The following FSD1L variants were observed in gnomAD, a reference collection of about 807,000 sequenced individuals.
FSD1L encodes fibronectin type III and SPRY domain containing 1 like.
FSD1L carries 45 observed loss-of-function variants against 71.6 expected under a neutral mutation model. The ratio of observed to expected loss-of-function variants is 0.63; its 90% CI spans 0.49 to 0.81. The LOEUF is 0.81. FSD1L is among the 30% of genes least tolerant of loss of function. The pLI is 0.00. For synonymous variants in FSD1L, 197 were observed against 207.2 expected, an observed-to-expected ratio of 0.95 and a Z score of 0.42; for missense variants, 561 against 618.1, an observed-to-expected ratio of 0.91 and a Z score of 0.98.
At chr9:105,491,981 C>G (rs1452279228) in intron 7 of FSD1L, among the ~76,000 whole-genome samples, 4 of 151,886 alleles carry the variant, frequency 2.6e-5, no homozygotes, top group African/African-American at 4.8e-5. Flanking sequence ...GTGTCTCTGC[C>G]CGGCTTTGGT....
chr9:105,530,687 C>G lies in FSD1L; in HGVS notation c.1026-3806C>G, dbSNP rs371275183. 1.9e-5 allele frequency: 11 copies of G among 565,656 alleles called. 1 individual carries two copies. Among genetic ancestry groups the G allele is most frequent in the African/African-American group, 1.7e-4 (9 of 51,916 alleles). 35.0% of individuals were successfully genotyped at this position (565,656 alleles called of 1,614,324 possible). ...TCCTCTCAGCAGACACTCTGACCAC[C>G]AGTTGGGGAGGCAAACTATCAGTGT... On this transcript the variant is annotated intron_variant, in intron 10 of 13. Transcript: ENST00000481272.
At chr9:105,457,401 A>G (rs1193053927) in intron 1 of FSD1L, among the ~76,000 whole-genome samples, 1 of 152,206 alleles carries the variant, frequency 6.6e-6, no homozygotes, top group African/African-American at 2.4e-5. Context: ...CTATTGAAGA[A>G]TACTGATCAG....
At chr9:105,531,084 TAGA>T (rs1835866692) in intron 10 of FSD1L, 1 of 152,310 alleles carries the variant, frequency 6.6e-6, no homozygotes, top group Admixed American at 6.5e-5. Context: ...TACTCCTTGA[TAGA>T]GGAGTTTTGC....
At chr9:105,481,176 T>TGTGTGGGTGG (rs1454412244) in intron 6 of FSD1L, among the ~76,000 whole-genome samples, 9 of 123,108 alleles carry the variant, frequency 7.3e-5, no homozygotes, top group Non-Finnish European at 1.1e-4. Flanking sequence ...TGTGTGTGTG[T>TGTGTGGGTGG]GTGGTTCTTT....
At position 105,505,256 on chromosome 9, in the gene FSD1L, G is replaced by T. The variant is rs368256359; in HGVS notation, c.587-1143G>T. Among the ~76,000 whole-genome samples, 666 of 152,086 alleles carry T rather than the reference G, an allele frequency of 4.4e-3. 7 individuals are homozygous for T. The highest frequency in any genetic ancestry group is 0.014 in the African/African-American group (562 of 41,524). ...GAATTTTATTCTTTGTTGTTTTTTT[G>T]TTGTTGTTGTTTTGTTCTTTTTGAG... On this transcript the variant is annotated intron_variant, in intron 7 of 13. Coordinates refer to ENST00000481272, the MANE Select transcript of FSD1L (RefSeq NM_001145313.3).
chr9:105,548,263 ATAGAGGGCC>A lies in FSD1L; in HGVS notation c.*1783_*1791del, dbSNP rs1837119623. The A allele has an allele frequency of 1.3e-5, 2 of 152,142 alleles. No individual in the cohort carries two copies. The highest frequency in any genetic ancestry group is 1.3e-4 in the Admixed American group (2 of 15,244). 9.4% of individuals were successfully genotyped at this position (152,142 alleles called of 1,614,324 possible). A position where few individuals can be genotyped will look rare whatever the true frequency, so the allele number is the denominator to read the frequency against. On this transcript the variant is annotated 3_prime_UTR_variant, in exon 14 of 14. Transcript: ENST00000481272. The stretch of plus-strand genomic sequence containing the variant: ...GAAATTTTCAGATGTTCTGTTCCCT[ATAGAGGGCC>A]TATTCCAGGATCTAAATGAATGGGA...
intron 1 of FSD1L, among the ~76,000 whole-genome samples, chr9:105,453,943 T>C (rs1435497318): frequency 6.6e-6 from 1 of 152,240 alleles, no homozygotes; most frequent in Admixed American, 6.5e-5. Flanking sequence ...AAGGTTCTGA[T>C]AGAATCTGGT....
chr9:105,466,243 A>G (rs74944717), intron 3 of FSD1L, among the ~76,000 whole-genome samples: 3,089 of 152,316 alleles, frequency 0.02, 103 homozygotes, highest in African/African-American at 0.071. Context: ...TTAAGAAGAC[A>G]AATGAATGGA....
intron 1 of FSD1L, among the ~76,000 whole-genome samples, chr9:105,452,829 T>A (rs1830122780): frequency 6.6e-6 from 1 of 151,940 alleles, no homozygotes; most frequent in East Asian, 1.9e-4. Flanking sequence ...CTGCTTTCTG[T>A]GCTCAAGCTA....
At chr9:105,482,150 A>C (rs1014619835) in intron 6 of FSD1L, among the ~76,000 whole-genome samples, 1 of 152,224 alleles carries the variant, frequency 6.6e-6, no homozygotes, top group South Asian at 2.1e-4. Context: ...GAAATCAAAT[A>C]TAAAAAATGA....
chr9:105,488,641 T>C (rs951922951), intron 7 of FSD1L, among the ~76,000 whole-genome samples: 6 of 152,208 alleles, frequency 3.9e-5, no homozygotes, highest in Non-Finnish European at 8.8e-5. Flanking sequence ...AAGCAATGAA[T>C]AGAGTTCTGT....
At chr9:105,521,549 G>T in intron 10 of FSD1L, 1 of 1,613,716 alleles carries the variant, frequency 6.2e-7, no homozygotes, top group Non-Finnish European at 8.5e-7. Flanking sequence ...TGAGAAAAGT[G>T]GTAAAAGTAT....
intron 5 of FSD1L, among the ~76,000 whole-genome samples, chr9:105,478,245 A>T (rs960019200): frequency 6.6e-6 from 1 of 152,176 alleles, no homozygotes; most frequent in African/African-American, 2.4e-5. Context: ...ACTCTGTCTC[A>T]AAAAGAAAAA....
At chr9:105,461,133 G>A (rs879899391) in intron 1 of FSD1L, among the ~76,000 whole-genome samples, 13 of 152,092 alleles carry the variant, frequency 8.5e-5, no homozygotes, top group Admixed American at 3.9e-4. Flanking sequence ...CTTTTAGGTC[G>A]TTTATTTTTA....
At chr9:105,522,654 A>C in intron 10 of FSD1L, 2 of 1,612,562 alleles carry the variant, frequency 1.2e-6, no homozygotes, top group Non-Finnish European at 1.7e-6. Context: ...CACTTCTGAC[A>C]TCTTGGAACC....
chr9:105,477,122 A>C (rs1011738032), intron 5 of FSD1L, among the ~76,000 whole-genome samples: 6 of 152,208 alleles, frequency 3.9e-5, no homozygotes, highest in African/African-American at 9.7e-5. Context: ...CACACACACT[A>C]AAAATTTTTA....
chr9:105,512,840 A>T lies in FSD1L; in HGVS notation c.929A>T (p.His310Leu). 2 of 1,538,308 alleles carry T rather than the reference A, an allele frequency of 1.3e-6. No homozygotes were observed. The highest frequency in any genetic ancestry group is 1.8e-6 in the Non-Finnish European group (2 of 1,138,738). Residue 310 changes from histidine to leucine, a missense_variant, in exon 10 of 14, where the codon CAT (histidine) becomes CTT (leucine). Around this residue, in one of 3 missense-constraint regions of FSD1L, gnomAD observed 410 missense variants for 413.5 expected, o/e 0.99. Transcript: ENST00000481272. Reference protein sequence around the residue: ...LNFNLDNSSSHLNLKVEDTCV... With the variant: ...LNFNLDNSSSLLNLKVEDTCV... ...TTCAATTTGGATAACTCCTCATCCC[A>T]TTTGAACCTGAAAGTTGAAGATACA...
At chr9:105,507,501 G>T (rs1018126521) in intron 8 of FSD1L, among the ~76,000 whole-genome samples, 5 of 152,102 alleles carry the variant, frequency 3.3e-5, no homozygotes, top group Admixed American at 1.3e-4. Flanking sequence ...TATGAAGTTG[G>T]CTTTATTATT....
chr9:105,447,348 A>AAAAAAC (rs1829687161), upstream of FSD1L, among the ~76,000 whole-genome samples: 1 of 145,170 alleles, frequency 6.9e-6, no homozygotes, highest in African/African-American at 2.5e-5. Flanking sequence ...AAAAAAAAAA[A>AAAAAAC]AGAGAATGAC....
Sources: allele counts gnomAD v4.1 joint callset (sites outside exome capture counted in the v4.1 genomes callset), GRCh38; gene constraint gnomAD v4.1.1; regional missense constraint gnomAD v4.1.1; transcripts MANE v1.5; gene names NCBI Gene and HGNC (gene_info 2026-07-23, HGNC 2026-07-21).